Variants in NUP210 observed in about 807,000 individuals in gnomAD.
The protein encoded by NUP210 is nucleoporin 210.
NUP210 carries 151 observed loss-of-function variants against 196.0 expected under a neutral mutation model. The ratio of observed to expected loss-of-function variants is 0.77; its 90% CI spans 0.67 to 0.88. The LOEUF (loss-of-function observed/expected upper bound fraction) is 0.88, where lower values mean the gene tolerates loss of function less well. Ranked by LOEUF, NUP210 falls within the 40% of genes least tolerant of loss-of-function variation. The pLI, the probability that NUP210 is intolerant of heterozygous loss-of-function variation, is 0.00. For missense variants in NUP210, 2,314 were observed against 2,493.7 expected (o/e 0.93, Z 1.53); for synonymous variants, 1,070 against 1,052.7 (o/e 1.02, Z -0.32).
rs530728052 is a variant in NUP210 at position 13,347,921 on chromosome 3, G to A, written c.2835+3958C>T. Among the ~76,000 whole-genome samples, 3 of 152,350 alleles carry A rather than the reference G, an allele frequency of 2.0e-5. No individual in the cohort carries two copies. The highest frequency in any genetic ancestry group is 1.3e-4 in the Admixed American group (2 of 15,312). On this transcript the variant is annotated intron_variant, in intron 20 of 39. Transcript: ENST00000254508. The surrounding 1 kb of genome is among the most constrained non-coding windows in gnomAD (Gnocchi z 4.7). Reference sequence around the variant, plus strand: ...CTTTGGCACAAGCCTGAAATGAAGGGAGGTGAAGACCCCAGTGGGCAGGGC... The same window carrying A: ...CTTTGGCACAAGCCTGAAATGAAGGAAGGTGAAGACCCCAGTGGGCAGGGC...
chr3:13,379,001 C>A lies in NUP210; in HGVS notation c.977-21G>T. The A allele has an allele frequency of 1.9e-6, 3 of 1,608,226 alleles. No homozygotes were observed. Among genetic ancestry groups the A allele is most frequent in the Non-Finnish European group, 2.6e-6 (3 of 1,174,632 alleles). On this transcript the variant is annotated intron_variant, in intron 7 of 39. Transcript: ENST00000254508. The surrounding 1 kb of genome is among the most constrained non-coding windows in gnomAD (Gnocchi z 4.2). ...AATACCTGAATTTTGAATTAAGGGG[C>A]AAGACATATGACAGCAAATAAACCA...
chr3:13,349,023 A>G (rs1213411484), intron 20 of NUP210, among the ~76,000 whole-genome samples: 1 of 152,266 alleles, frequency 6.6e-6, no homozygotes, highest in Non-Finnish European at 1.5e-5. Context: ...CGGAGGTGCC[A>G]GTTCTGCAGG....
intron 1 of NUP210, among the ~76,000 whole-genome samples, chr3:13,401,259 C>CAAAAGAAAAAAAAAAAAA (rs1699828481): frequency 4.6e-5 from 2 of 43,846 alleles, no homozygotes; most frequent in Non-Finnish European, 4.0e-5. Flanking sequence ...GACTCTGGCT[C>CAAAAGAAAAAAAAAAAAA]AAAAAAAAAA....
At chr3:13,384,521 G>T (rs528129483) in intron 6 of NUP210, among the ~76,000 whole-genome samples, 1 of 152,300 alleles carries the variant, frequency 6.6e-6, no homozygotes, top group East Asian at 1.9e-4. Flanking sequence ...GATGGCTTGA[G>T]GCCAGCAGTT....
intron 5 of NUP210, among the ~76,000 whole-genome samples, chr3:13,387,689 C>G (rs1414627811): frequency 6.6e-6 from 1 of 152,194 alleles, no homozygotes; most frequent in African/African-American, 2.4e-5. Flanking sequence ...AAACGAGGCA[C>G]TGGTTGGGTG....
At chr3:13,415,304 G>A (rs1004646623) in intron 1 of NUP210, among the ~76,000 whole-genome samples, 17 of 152,176 alleles carry the variant, frequency 1.1e-4, no homozygotes, top group East Asian at 1.9e-4. Context: ...AATATGTGTC[G>A]TCCATCAGTG....
chr3:13,332,403 T>G lies in NUP210; in HGVS notation c.3844-19A>C, dbSNP rs755234234. ...CAAACACCTGCAAGAGAGGGCAAGTTTCACTTCCGATGGGGCACTGGAGTC... is the reference window on the plus strand; with the variant it reads ...CAAACACCTGCAAGAGAGGGCAAGTGTCACTTCCGATGGGGCACTGGAGTC... On this transcript the variant is annotated intron_variant, in intron 28 of 39. Coordinates refer to ENST00000254508, the MANE Select transcript of NUP210 (RefSeq NM_024923.4). The G allele has an allele frequency of 1.3e-6, 2 of 1,595,824 alleles. No individual in the cohort carries two copies. Among genetic ancestry groups the G allele is most frequent in the South Asian group, 2.2e-5 (2 of 90,734 alleles).
intron 1 of NUP210, among the ~76,000 whole-genome samples, chr3:13,401,909 A>C (rs116477278): frequency 0.011 from 1,606 of 151,734 alleles, 17 homozygotes; most frequent in Middle Eastern, 0.034. Flanking sequence ...AAAAAAGTCT[A>C]CTCTGCCAGG....
chr3:13,412,038 T>C (rs913619872), intron 1 of NUP210, among the ~76,000 whole-genome samples: 7 of 149,584 alleles, frequency 4.7e-5, no homozygotes, highest in Middle Eastern at 3.7e-3. Flanking sequence ...CCACTGCATC[T>C]GGCCAGCCAC....
chr3:13,367,809 G>T (rs1230232951), intron 13 of NUP210, among the ~76,000 whole-genome samples: 2 of 152,196 alleles, frequency 1.3e-5, no homozygotes, highest in East Asian at 3.9e-4. Flanking sequence ...ACTGACCCAT[G>T]CTATGGTGCA....
chr3:13,353,164 C>G (rs1039701049), intron 18 of NUP210, among the ~76,000 whole-genome samples: 2 of 152,116 alleles, frequency 1.3e-5, no homozygotes, highest in Non-Finnish European at 2.9e-5. Flanking sequence ...TCAAAGTTTG[C>G]TCCCAAGAGG....
intron 2 of NUP210, among the ~76,000 whole-genome samples, chr3:13,399,175 A>G (rs1699757659): frequency 6.6e-6 from 1 of 150,420 alleles, no homozygotes; most frequent in African/African-American, 2.4e-5. Flanking sequence ...CTGAGGCAGG[A>G]GAATCACTTG....
At chr3:13,407,168 C>G (rs1279539246) in intron 1 of NUP210, among the ~76,000 whole-genome samples, 2 of 152,142 alleles carry the variant, frequency 1.3e-5, no homozygotes, top group Admixed American at 1.3e-4. Context: ...GCTCTCAGAT[C>G]TAGGAAAAAG....
At chr3:13,343,342 G>GGGGGGTGGGGGGGGGGGGGGGGGGGGC in intron 20 of NUP210, 39 bp from the exon 21 acceptor site, 1 of 655,994 alleles carries the variant, frequency 1.5e-6, no homozygotes, top group Non-Finnish European at 2.5e-6. Flanking sequence ...TGGGTGGTGG[G>GGGGGGTGGGGGGGGGGGGGGGGGGGGC]TTACGCAGCT....
At chr3:13,346,486 T>G (rs529139205) in intron 20 of NUP210, among the ~76,000 whole-genome samples, 2 of 152,174 alleles carry the variant, frequency 1.3e-5, no homozygotes, top group African/African-American at 4.8e-5. Flanking sequence ...CCTGAGAACA[T>G]TGGGAAACAC....
At chr3:13,361,521 GAC>G (rs1029014829) in intron 14 of NUP210, among the ~76,000 whole-genome samples, 1 of 152,124 alleles carries the variant, frequency 6.6e-6, no homozygotes, top group Non-Finnish European at 1.5e-5. Context: ...TCCCTCCAGT[GAC>G]ACACAGCAGG....
chr3:13,322,918 G>T (rs1030878538), intron 34 of NUP210, among the ~76,000 whole-genome samples: 60 of 152,176 alleles, frequency 3.9e-4, no homozygotes, highest in African/African-American at 1.4e-3. Flanking sequence ...AGGGGATGGG[G>T]TTCAACATTC....
Position 13,366,096 on chromosome 3 carries a change from AG to A in NUP210, c.1787-6del, listed in dbSNP as rs762935346. The A allele has an allele frequency of 8.1e-6, 13 of 1,612,860 alleles. No individual in the cohort carries two copies. The East Asian group carries it at 2.9e-4, about 36-fold the overall frequency. On this transcript the variant is annotated splice_region_variant and splice_polypyrimidine_tract_variant and intron_variant, in intron 13 of 39. Transcript: ENST00000254508. ...CAGAGCCTGGCGGCAGCCTCCCTAC[AG>A]AAAGGAGAGAACTAGATGGTCACCC... is the stretch of plus-strand genomic sequence containing the variant.
Position 13,371,742 on chromosome 3 carries a change from C to T in NUP210, c.1786+92G>A. 3 of 1,207,984 alleles carry T rather than the reference C, an allele frequency of 2.5e-6. No individual in the cohort carries two copies. The South Asian group carries it at 4.2e-5, about 17-fold the overall frequency. 74.8% of individuals were successfully genotyped at this position (1,207,984 alleles called of 1,614,324 possible). ...TGCAGCCCCTCTGCTGCCTCAAGCC[C>T]TCTCTTTGGGAATCTGGCGGTCCAT... On this transcript the variant is annotated intron_variant, in intron 13 of 39. Transcript: ENST00000254508.
Sources: gnomAD v4.1 joint callset for allele counts (sites outside exome capture counted in the v4.1 genomes callset) on GRCh38, gnomAD v4.1.1 for gene constraint, Gnocchi (gnomAD v3.1) non-coding constraint, MANE v1.5 for transcripts, NCBI Gene and HGNC (gene_info 2026-07-23, HGNC 2026-07-21) for gene names.